The following PTOV1 variants were observed in gnomAD, a reference collection of about 807,000 sequenced individuals.
The protein encoded by PTOV1 is PTOV1 extended AT-hook containing adaptor protein.
In PTOV1, 20 loss-of-function variants were observed where a neutral mutation model predicts 58.0. That is an observed-to-expected ratio of 0.34 (90% CI 0.24 to 0.50). The LOEUF is 0.50. Among genes scored for constraint, PTOV1 ranks in the 20% least tolerant of loss-of-function variants. The probability of loss-of-function intolerance (pLI) is 0.98; values close to 1 mark genes in which losing one functional copy is unlikely to be tolerated. For missense variants in PTOV1, 593 were observed against 565.4 expected, an observed-to-expected ratio of 1.05 and a Z score of -0.50; for synonymous variants, 335 against 234.2, an observed-to-expected ratio of 1.43 and a Z score of -3.93.
intron 1 of PTOV1, chr19:49,852,555 G>A (rs1450918565): frequency 6.6e-6 from 1 of 152,214 alleles, no homozygotes; most frequent in African/African-American, 2.4e-5. Context: ...ACTTTAGGTT[G>A]CACCTTAACC....
chr19:49,851,360 C>G, exon 1 of PTOV1: 1 of 1,113,728 alleles, frequency 9.0e-7, no homozygotes, highest in Non-Finnish European at 1.1e-6. Context: ...CCGTACCGCT[C>G]CGGCGCCGGG....
chr19:49,857,674 C>T lies in PTOV1; in HGVS notation c.715-19C>T, dbSNP rs1010546557. ...CCAGGAGCCTGGGCCCCTCTTCCCACCCCGTTCCCTTCCAACAGGCAGTGG... is the reference window on the plus strand; with the variant it reads ...CCAGGAGCCTGGGCCCCTCTTCCCATCCCGTTCCCTTCCAACAGGCAGTGG... On this transcript the variant is annotated intron_variant, in intron 6 of 11. Coordinates refer to ENST00000391842, the Ensembl canonical transcript of PTOV1. 10 of 1,611,008 alleles carry T rather than the reference C, an allele frequency of 6.2e-6. No homozygotes were observed. Among genetic ancestry groups the T allele is most frequent in the Admixed American group, 1.7e-5 (1 of 59,726 alleles).
In PTOV1 at chr19:49,854,893, G is replaced by GTGCCCCC; in HGVS notation, c.450+5_450+6insTGCCCCC. 1 of 1,603,570 alleles carries GTGCCCCC rather than the reference G, an allele frequency of 6.2e-7. No homozygotes were observed. Among genetic ancestry groups the GTGCCCCC allele is most frequent in the Non-Finnish European group, 8.5e-7 (1 of 1,173,350 alleles). ...CTGATCCCTCAGCAGCTGCTGGTGA[G>GTGCCCCC]ACCCGCCCCTCCCACCCCATCCACT... is the stretch of plus-strand genomic sequence containing the variant. On this transcript the variant is annotated splice_donor_region_variant and intron_variant, in intron 4 of 11. Transcript: ENST00000391842.
exon 6 of PTOV1, chr19:49,857,100 C>T (rs1417810057): frequency 1.9e-6 from 3 of 1,614,092 alleles, no homozygotes; most frequent in Non-Finnish European, 8.5e-7. Context: ...TCGTCAGTGC[C>T]ATCCGGCAGG....
chr19:49,851,552 C>G (rs2074248089), intron 1 of PTOV1, 53 bp downstream of exon 1: 5 of 1,098,800 alleles, frequency 4.6e-6, no homozygotes, highest in Admixed American at 9.1e-5. Flanking sequence ...CCCCCCAGCC[C>G]CTATCCCGGG....
chr19:49,853,702 C>T (rs2074349001), intron 1 of PTOV1, among the ~76,000 whole-genome samples: 1 of 152,160 alleles, frequency 6.6e-6, no homozygotes, highest in African/African-American at 2.4e-5. Context: ...AGAACTTTCT[C>T]TTGGTGTTCT....
At chr19:49,851,660 T>G in intron 1 of PTOV1, 161 bp downstream of exon 1, 4 of 1,071,992 alleles carry the variant, frequency 3.7e-6, no homozygotes, top group Middle Eastern at 4.0e-4. Flanking sequence ...GAGCACCCGG[T>G]GGTTCGCGCC....
rs750987093 is a variant in PTOV1 at position 49,857,828 on chromosome 19, G to A, written c.804+46G>A. The A allele has an allele frequency of 1.9e-5, 31 of 1,611,930 alleles. No homozygotes were observed. In the Admixed American group the frequency reaches 3.5e-4, roughly 18 times the overall value. On this transcript the variant is annotated intron_variant, in intron 7 of 11. Coordinates refer to ENST00000391842, the Ensembl canonical transcript of PTOV1. ...GGACTTGGGACCCCCAGATCCTCAC[G>A]GACTGTGGCTGGGAGGGGACACTGG...
intron 10 of PTOV1, chr19:49,859,245 G>A (rs1449136926): frequency 6.5e-6 from 1 of 152,904 alleles, no homozygotes; most frequent in Non-Finnish European, 1.5e-5. Flanking sequence ...GAAGCTGTTC[G>A]TGGGTGGGGG....
At chr19:49,850,810 T>C, upstream of PTOV1, 1 of 1,517,386 alleles carries the variant, frequency 6.6e-7, no homozygotes, top group Non-Finnish European at 8.8e-7. Flanking sequence ...CCCAGGCCCA[T>C]TATTCCGTCC....
Position 49,854,750 on chromosome 19 carries a change from T to G in PTOV1, c.392+16T>G. 2.5e-6 allele frequency: 4 copies of G among 1,613,294 alleles called. No individual in the cohort carries two copies. The highest frequency in any genetic ancestry group is 3.4e-6 in the Non-Finnish European group (4 of 1,179,932). On this transcript the variant is annotated intron_variant, in intron 3 of 11. Transcript: ENST00000391842. ...GCGAGAACCTGTGAGTGCCGGGGCGTGGCAGCCAGGGCGGTGGCAGGGGCA... is the reference window on the plus strand; with the variant it reads ...GCGAGAACCTGTGAGTGCCGGGGCGGGGCAGCCAGGGCGGTGGCAGGGGCA...
intron 5 of PTOV1, chr19:49,856,742 C>G: frequency 1.9e-6 from 1 of 533,488 alleles, no homozygotes; most frequent in Non-Finnish European, 3.3e-6. Context: ...GCATTCTCAC[C>G]GCAGCCTGGG....
At chr19:49,850,944 C>T (rs1415911700), upstream of PTOV1, 3 of 1,535,710 alleles carry the variant, frequency 2.0e-6, no homozygotes, top group African/African-American at 2.7e-5. Flanking sequence ...CGTTCTTCTG[C>T]CACCCCATTC....
intron 5 of PTOV1, chr19:49,856,241 C>G (rs1243542903): frequency 1.3e-5 from 2 of 152,244 alleles, no homozygotes; most frequent in African/African-American, 4.8e-5. Context: ...CATACTCACC[C>G]CCCAGGCATG....
chr19:49,854,808 T>C (rs779487402), intron 3 of PTOV1, 23 bp from the exon 4 acceptor site: 2 of 1,613,322 alleles, frequency 1.2e-6, no homozygotes, highest in Admixed American at 3.3e-5. Context: ...GGGCAGCCCT[T>C]TCTGACCAGC....
intron 1 of PTOV1, 63 bp from the exon 2 acceptor site, chr19:49,854,343 G>C (rs1176754503): frequency 6.4e-7 from 1 of 1,562,290 alleles, no homozygotes; most frequent in East Asian, 2.3e-5. Flanking sequence ...GGGGTGTGTG[G>C]GGACTGCCTG....
chr19:49,857,480 C>G (rs962146114), intron 6 of PTOV1: 1 of 622,952 alleles, frequency 1.6e-6, no homozygotes, highest in Non-Finnish European at 2.9e-6. Flanking sequence ...GTCCTGTGCA[C>G]CAGGTGAGGG....
At chr19:49,858,429 T>C (rs555293677) in intron 9 of PTOV1, 120 bp from the exon 10 acceptor site, 3 of 790,594 alleles carry the variant, frequency 3.8e-6, no homozygotes, top group East Asian at 2.7e-5. Context: ...TGACGTTTCC[T>C]GAGGTAGGGA....
chr19:49,855,126 G>A, intron 5 of PTOV1, 49 bp downstream of exon 5: 4 of 1,500,674 alleles, frequency 2.7e-6, no homozygotes, highest in Non-Finnish European at 3.6e-6. Context: ...AGTACAGCTG[G>A]AGGCAGCGCT....
Sources: gnomAD v4.1 joint callset for allele counts (sites outside exome capture counted in the v4.1 genomes callset) on GRCh38, gnomAD v4.1.1 for gene constraint, MANE v1.5 for transcripts, NCBI Gene and HGNC (gene_info 2026-07-23, HGNC 2026-07-21) for gene names.